Variants in USP7 observed in about 807,000 individuals in gnomAD.
The protein encoded by USP7 is ubiquitin C-terminal hydrolase 7.
In USP7, 9 loss-of-function variants were observed where a neutral mutation model predicts 162.9. The observed-to-expected ratio is 0.06, with a 90% confidence interval of 0.03 to 0.10. The LOEUF (loss-of-function observed/expected upper bound fraction) is 0.10, where lower values mean the gene tolerates loss of function less well. Ranked by LOEUF, USP7 falls within the 10% of genes least tolerant of loss-of-function variation. The pLI is 1.00. For synonymous variants in USP7, 562 were observed against 475.9 expected, an observed-to-expected ratio of 1.18 and a Z score of -2.35; for missense variants, 715 against 1,373.7, an observed-to-expected ratio of 0.52 and a Z score of 7.58.
intron 1 of USP7, among the ~76,000 whole-genome samples, chr16:8,961,893 G>A (rs530645089): frequency 2.0e-5 from 3 of 152,170 alleles, no homozygotes; most frequent in Non-Finnish European, 4.4e-5. Flanking sequence ...AGTCCTTGGC[G>A]TGGACTCCGC....
intron 21 of USP7, chr16:8,900,200 T>C (rs766988453): frequency 3.1e-5 from 10 of 323,144 alleles, no homozygotes; most frequent in Non-Finnish European, 5.1e-5. Flanking sequence ...GAAGACAGAC[T>C]GAAATGAATT....
Position 8,905,168 on chromosome 16 carries a change from A to C in USP7, c.1573+19T>G. The C allele has an allele frequency of 6.2e-7, 1 of 1,610,576 alleles. No individual in the cohort carries two copies. The highest frequency in any genetic ancestry group is 1.1e-5 in the South Asian group (1 of 91,042). On this transcript the variant is annotated intron_variant, in intron 14 of 30. Transcript: ENST00000344836. ...AGTCCACCACAGTAAAGAACAGAAC[A>C]AAAGTGAACACTACTCACTCAGTTT...
At chr16:8,938,146 G>A (rs1375189149) in intron 1 of USP7, among the ~76,000 whole-genome samples, 99 of 152,036 alleles carry the variant, frequency 6.5e-4, no homozygotes, top group Non-Finnish European at 1.0e-4. Flanking sequence ...AAAGTCCTGA[G>A]CAAACAGGCA....
At position 8,895,157 on chromosome 16, in the gene USP7, A is replaced by T; in HGVS notation, c.2920-7T>A. ...CCTGGTCCAAAGGGATTTCCTGGGG[A>T]CACGGACAACAGACACAGTTCTGTA... On this transcript the variant is annotated splice_polypyrimidine_tract_variant and splice_region_variant and intron_variant, in intron 27 of 30. Transcript: ENST00000344836. 1.2e-6 allele frequency: 2 copies of T among 1,614,192 alleles called. No homozygotes were observed. The highest frequency in any genetic ancestry group is 1.7e-6 in the Non-Finnish European group (2 of 1,180,032).
At position 8,903,259 on chromosome 16, in the gene USP7, G is replaced by A. The variant is rs751756032; in HGVS notation, c.1839+9C>T. The A allele has an allele frequency of 2.7e-5, 43 of 1,611,516 alleles. No homozygotes were observed. The highest frequency in any genetic ancestry group is 1.8e-4 in the Middle Eastern group (1 of 5,550). ...CACGGTGGGGTATATCCACGGGACC[G>A]GTACGCACCATGGTCTGAGAGAGGC... On this transcript the variant is annotated intron_variant, in intron 16 of 30. Transcript: ENST00000344836.
intron 25 of USP7, 146 bp from the exon 26 acceptor site, chr16:8,897,245 C>T: frequency 1.5e-6 from 1 of 645,372 alleles, no homozygotes; most frequent in Non-Finnish European, 2.7e-6. Flanking sequence ...ACCCCAACTC[C>T]CTCATCTGTG....
chr16:8,948,807 T>A (rs1405920330), intron 1 of USP7, among the ~76,000 whole-genome samples: 2 of 151,662 alleles, frequency 1.3e-5, no homozygotes, highest in Non-Finnish European at 2.9e-5. Context: ...AGAAAAAAAA[T>A]ACAAAACTTA....
At chr16:8,903,794 G>A (rs1208226947) in intron 15 of USP7, among the ~76,000 whole-genome samples, 1 of 151,610 alleles carries the variant, frequency 6.6e-6, no homozygotes, top group Non-Finnish European at 1.5e-5. Context: ...TTGAATCCAG[G>A]AGGCAGAGGT....
At chr16:8,916,690 T>A (rs753792513) in intron 7 of USP7, 134 bp from the exon 8 acceptor site, 1 of 937,054 alleles carries the variant, frequency 1.1e-6, no homozygotes, top group Non-Finnish European at 1.6e-6. Context: ...AAGATTATTT[T>A]TGGGAGTCAT....
rs372148483 is a variant in USP7 at position 8,899,721 on chromosome 16, G to A, written c.2346C>T (p.Thr782=). ...AGAGATCTCGGAAATACTCCTTTGC[G>A]GTGGGTAATTCACTGTTATCATTTT... ...DPENDNSELP[T]AKEYFRDLYH... is the part of the protein sequence containing the mutation. Residue 782 remains threonine, a synonymous_variant, in exon 22 of 31, where the codon ACC becomes ACT. Coordinates refer to ENST00000344836, the MANE Select transcript of USP7 (RefSeq NM_003470.3). 1.7e-5 allele frequency: 27 copies of A among 1,613,520 alleles called. No homozygotes were observed. The highest frequency in any genetic ancestry group is 1.3e-4 in the African/African-American group (10 of 74,698).
chr16:8,916,969 T>TTAA, intron 7 of USP7, 57 bp downstream of exon 7: 6 of 1,294,738 alleles, frequency 4.6e-6, no homozygotes, highest in Admixed American at 3.2e-5. Flanking sequence ...TCACTTGTCC[T>TTAA]AAAAAAAAAA....
intron 1 of USP7, among the ~76,000 whole-genome samples, chr16:8,944,597 A>G (rs531939339): frequency 6.6e-6 from 1 of 152,338 alleles, no homozygotes; most frequent in South Asian, 2.1e-4. Flanking sequence ...ATTTGAATAA[A>G]ACCACAAAAG....
intron 10 of USP7, among the ~76,000 whole-genome samples, chr16:8,913,731 T>C (rs1196893923): frequency 1.3e-5 from 2 of 152,040 alleles, no homozygotes; most frequent in Admixed American, 6.6e-5. Context: ...CATAAAGCAC[T>C]TCCCCTCCTC....
rs1383754197 is a variant in USP7 at position 8,923,409 on chromosome 16, G to A, written c.189C>T (p.Thr63=). Reference sequence around the variant, plus strand: ...GAAAGGTTGCCTCGGAGCGCCAACTGGTGTCTGCAAAAAAAACACATCATC... The same window carrying A: ...GAAAGGTTGCCTCGGAGCGCCAACTAGTGTCTGCAAAAAAAACACATCATC... ...NTAEEDMEDD[T]SWRSEATFQF... is the part of the protein sequence containing the mutation. The change falls in exon 3 of 31, where the codon ACC becomes ACT. Residue 63 remains threonine (T), a synonymous_variant. Transcript: ENST00000344836. 11 of 1,613,622 alleles carry A rather than the reference G, an allele frequency of 6.8e-6. No individual in the cohort carries two copies. The highest frequency in any genetic ancestry group is 9.3e-6 in the Non-Finnish European group (11 of 1,179,844).
chr16:8,931,010 T>C (rs930909300), intron 1 of USP7, among the ~76,000 whole-genome samples: 7 of 152,120 alleles, frequency 4.6e-5, no homozygotes, highest in Non-Finnish European at 1.0e-4. Context: ...GTTCTTACTT[T>C]ACAATAGCTA....
Position 8,897,005 on chromosome 16 carries a change from T to C in USP7, c.2813A>G (p.Lys938Arg). Residue 938 changes from lysine (K) to arginine (R), a missense_variant, in exon 26 of 31, where the codon AAA becomes AGA. Coordinates refer to ENST00000344836, the MANE Select transcript of USP7 (RefSeq NM_003470.3). ...GGGCTCAAGAAATACTTGCCTAAGT[T>C]TCCCTGATGCTTTCTCCCCAAGCTC... ...AVELGEKASG[K>R]LRLLEIVSYK... 6.2e-7 allele frequency: 1 copy of C among 1,613,712 alleles called. No individual in the cohort carries two copies. The highest frequency in any genetic ancestry group is 8.5e-7 in the Non-Finnish European group (1 of 1,179,570).
intron 10 of USP7, among the ~76,000 whole-genome samples, chr16:8,912,760 A>T (rs2061967846): frequency 6.6e-6 from 1 of 152,112 alleles, no homozygotes; most frequent in African/African-American, 2.4e-5. Flanking sequence ...CTTGTCTCCA[A>T]ATAATTATAA....
Position 8,893,047 on chromosome 16 carries a change from C to A in USP7, c.*951G>T, listed in dbSNP as rs2061624312. Reference sequence around the variant, plus strand: ...TCAGTGAAATTCACTTGCAGACTCACCCAACAAAAAGGAACCTCCTCCCAG... The same window carrying A: ...TCAGTGAAATTCACTTGCAGACTCAACCAACAAAAAGGAACCTCCTCCCAG... On this transcript the variant is annotated 3_prime_UTR_variant, in exon 31 of 31. Coordinates refer to ENST00000344836, the MANE Select transcript of USP7 (RefSeq NM_003470.3). The A allele has an allele frequency of 6.6e-6, 1 of 152,176 alleles. No individual in the cohort carries two copies. Among genetic ancestry groups the A allele is most frequent in the Admixed American group, 6.5e-5 (1 of 15,282 alleles). 9.4% of individuals were successfully genotyped at this position (152,176 alleles called of 1,614,324 possible). A position where few individuals can be genotyped will look rare whatever the true frequency, so the allele number is the denominator to read the frequency against.
intron 1 of USP7, among the ~76,000 whole-genome samples, chr16:8,935,446 G>A (rs1411511416): frequency 6.6e-6 from 1 of 152,114 alleles, no homozygotes; most frequent in Non-Finnish European, 1.5e-5. Context: ...CCTGACCTCA[G>A]GTGATCTGCG....
Sources: allele counts gnomAD v4.1 joint callset (sites outside exome capture counted in the v4.1 genomes callset), GRCh38; gene constraint gnomAD v4.1.1; transcripts MANE v1.5; gene names NCBI Gene and HGNC (gene_info 2026-07-23, HGNC 2026-07-21).